ADAMTSL1: variants seen among roughly 807,000 people sequenced by gnomAD.
ADAMTSL1 encodes ADAMTS like 1.
A neutral mutation model predicts 201.8 loss-of-function variants in ADAMTSL1; 126 were observed. The ratio of observed to expected loss-of-function variants is 0.62; its 90% CI spans 0.54 to 0.72. ADAMTSL1 has a LOEUF of 0.72. ADAMTSL1 is among the 30% of genes least tolerant of loss of function. ADAMTSL1 has a pLI of 0.00. For missense variants in ADAMTSL1, 2,679 were observed against 2,277.8 expected, an observed-to-expected ratio of 1.18 and a Z score of -3.59; for synonymous variants, 1,121 against 903.4, an observed-to-expected ratio of 1.24 and a Z score of -4.32.
chr9:18,356,527 TAAA>T (rs1246388028), intron 2 of ADAMTSL1, among the ~76,000 whole-genome samples: 8 of 79,464 alleles, frequency 1.0e-4, no homozygotes, highest in Middle Eastern at 0.011. Flanking sequence ...ACCCTGTCTT[TAAA>T]AAAAAAAAAA....
intron 15 of ADAMTSL1, among the ~76,000 whole-genome samples, chr9:18,748,600 G>C (rs1370918431): frequency 6.6e-6 from 1 of 152,166 alleles, no homozygotes; most frequent in African/African-American, 2.4e-5. Context: ...CTGGGACCTT[G>C]AAGTTGGGAG....
intron 2 of ADAMTSL1, among the ~76,000 whole-genome samples, chr9:18,295,771 G>T (rs574940929): frequency 1.5e-3 from 228 of 152,196 alleles, no homozygotes; most frequent in African/African-American, 4.7e-3. Flanking sequence ...AGCATGGATT[G>T]ACCTTAAAAA....
chr9:18,826,508 G>A, intron 22 of ADAMTSL1, 45 bp downstream of exon 22: 2 of 1,575,300 alleles, frequency 1.3e-6, no homozygotes, highest in Non-Finnish European at 1.7e-6. Context: ...CCTGTTGGGA[G>A]TGACTATCTA....
At chr9:18,166,389 C>T (rs556770790) in intron 2 of ADAMTSL1, among the ~76,000 whole-genome samples, 1 of 152,026 alleles carries the variant, frequency 6.6e-6, no homozygotes, top group East Asian at 1.9e-4. Context: ...AGAATTCCAT[C>T]ACGGAATATG....
chr9:18,247,304 T>TAAC (rs1196861648), intron 2 of ADAMTSL1, among the ~76,000 whole-genome samples: 1 of 152,174 alleles, frequency 6.6e-6, no homozygotes, highest in Non-Finnish European at 1.5e-5. Context: ...CCCTAATGAG[T>TAAC]AACAAGATAT....
chr9:18,895,696 C>T (rs1315127163), intron 26 of ADAMTSL1, among the ~76,000 whole-genome samples: 3 of 152,150 alleles, frequency 2.0e-5, no homozygotes, highest in South Asian at 2.1e-4. Context: ...TACGCTTTCA[C>T]CTCAGACTGA....
intron 2 of ADAMTSL1, among the ~76,000 whole-genome samples, chr9:18,377,144 T>C (rs1392630229): frequency 6.6e-6 from 1 of 152,208 alleles, no homozygotes; most frequent in Non-Finnish European, 1.5e-5. Context: ...CCATGGGCTC[T>C]GAAATTGGAT....
chr9:18,282,009 C>A (rs1832809495), intron 2 of ADAMTSL1, among the ~76,000 whole-genome samples: 1 of 152,078 alleles, frequency 6.6e-6, no homozygotes, highest in Non-Finnish European at 1.5e-5. Flanking sequence ...ATTTTCCTCA[C>A]CTGGGTATAT....
intron 23 of ADAMTSL1, among the ~76,000 whole-genome samples, chr9:18,831,246 G>T (rs965735965): frequency 6.6e-6 from 1 of 152,200 alleles, no homozygotes; most frequent in African/African-American, 2.4e-5. Context: ...TTGGCACTGA[G>T]TTTTTCTATA....
intron 20 of ADAMTSL1, among the ~76,000 whole-genome samples, chr9:18,810,162 A>G (rs1823412759): frequency 1.3e-5 from 2 of 152,220 alleles, no homozygotes; most frequent in South Asian, 4.1e-4. Flanking sequence ...ACTATGCTCA[A>G]CAATCATTAT....
intron 2 of ADAMTSL1, among the ~76,000 whole-genome samples, chr9:18,513,560 T>A (rs1408779278): frequency 6.6e-6 from 1 of 152,226 alleles, no homozygotes; most frequent in Non-Finnish European, 1.5e-5. Flanking sequence ...AGCTGAGAGA[T>A]CATTGCCAAA....
chr9:18,719,388 C>A (rs1833183211), intron 14 of ADAMTSL1, among the ~76,000 whole-genome samples: 1 of 152,104 alleles, frequency 6.6e-6, no homozygotes, highest in South Asian at 2.1e-4. Flanking sequence ...GCTTTTCTCA[C>A]CCAGGCTGGA....
intron 2 of ADAMTSL1, among the ~76,000 whole-genome samples, chr9:18,523,529 T>C (rs1035970897): frequency 3.1e-4 from 47 of 152,330 alleles, no homozygotes; most frequent in African/African-American, 9.9e-4. Flanking sequence ...GCCTATGTCC[T>C]GAATGGTATT....
intron 20 of ADAMTSL1, among the ~76,000 whole-genome samples, chr9:18,799,681 G>A (rs1190129523): frequency 6.6e-6 from 1 of 152,202 alleles, no homozygotes; most frequent in Non-Finnish European, 1.5e-5. Context: ...AGAGAACACA[G>A]ATGAGCTCAT....
At chr9:17,915,194 T>A (rs867515418) in intron 1 of ADAMTSL1, among the ~76,000 whole-genome samples, 1 of 152,128 alleles carries the variant, frequency 6.6e-6, no homozygotes, top group Non-Finnish European at 1.5e-5. Context: ...TGTCCTTGAG[T>A]CCAGCATCAT....
chr9:18,434,777 C>T, intron 2 of ADAMTSL1, among the ~76,000 whole-genome samples: 1 of 152,204 alleles, frequency 6.6e-6, no homozygotes, highest in East Asian at 1.9e-4. Context: ...CTGGCTGAAT[C>T]TACCTCTCCC....
chr9:18,706,703 C>T (rs1294706198), intron 13 of ADAMTSL1, 44 bp from the exon 14 acceptor site: 24 of 1,524,736 alleles, frequency 1.6e-5, no homozygotes, highest in Non-Finnish European at 2.0e-5. Flanking sequence ...GGCTTCCTGC[C>T]TGGGGCTTCT....
At chr9:17,945,901 G>A (rs547998630) in intron 1 of ADAMTSL1, among the ~76,000 whole-genome samples, 1 of 151,324 alleles carries the variant, frequency 6.6e-6, no homozygotes, top group African/African-American at 2.4e-5. Context: ...CACCAGCATG[G>A]CACATGTATA....
At chr9:18,031,963 G>A (rs1006168408) in intron 1 of ADAMTSL1, among the ~76,000 whole-genome samples, 3 of 152,198 alleles carry the variant, frequency 2.0e-5, no homozygotes, top group Non-Finnish European at 2.9e-5. Context: ...ACAGCCCAGG[G>A]ATTTTAGTCC....
Sources: gnomAD v4.1 joint callset for allele counts (sites outside exome capture counted in the v4.1 genomes callset) on GRCh38, gnomAD v4.1.1 for gene constraint, MANE v1.5 for transcripts, NCBI Gene and HGNC (gene_info 2026-07-23, HGNC 2026-07-21) for gene names.